ITSN1: variants seen among roughly 807,000 people sequenced by gnomAD.
ITSN1 encodes the protein intersectin-1.
A neutral mutation model predicts 239.8 loss-of-function variants in ITSN1; 58 were observed. The ratio of observed to expected loss-of-function variants is 0.24; its 90% confidence interval spans 0.20 to 0.30. ITSN1 has a LOEUF of 0.30. Ranked by LOEUF, ITSN1 falls within the 10% of genes least tolerant of loss-of-function variation. The pLI, the probability that ITSN1 is intolerant of heterozygous loss-of-function variation, is 1.00. For synonymous variants in ITSN1, 780 were observed against 770.8 expected, an observed-to-expected ratio of 1.01 and a Z score of -0.20; for missense variants, 1,558 against 2,103.3, an observed-to-expected ratio of 0.74 and a Z score of 5.07.
intron 29 of ITSN1, chr21:33,837,162 T>C (rs2074645774): frequency 7.3e-7 from 1 of 1,373,426 alleles, no homozygotes; most frequent in Admixed American, 2.7e-5. Context: ...TACCTCATTT[T>C]ACCTTAGTTG....
chr21:33,875,581 G>C, intron 34 of ITSN1, 60 bp downstream of exon 34: 6 of 1,526,714 alleles, frequency 3.9e-6, no homozygotes, highest in Non-Finnish European at 5.4e-6. Context: ...TGCCAGCCTG[G>C]AGGAGGACAA....
chr21:33,842,190 C>T lies in ITSN1; in HGVS notation c.3661+5558C>T, dbSNP rs929492937. Among the ~76,000 whole-genome samples, 11 of 151,846 alleles carry T rather than the reference C, an allele frequency of 7.2e-5. No homozygotes were observed. The East Asian group carries it at 9.7e-4, about 13-fold the overall frequency. ...GATTACAGGCGTGAGCCACCGCGCCCGGCCACTCTTGGGCACTTCTTTACG... is the reference window on the plus strand; with the variant it reads ...GATTACAGGCGTGAGCCACCGCGCCTGGCCACTCTTGGGCACTTCTTTACG... On this transcript the variant is annotated intron_variant, in intron 29 of 39. Transcript: ENST00000381318.
intron 1 of ITSN1, among the ~76,000 whole-genome samples, chr21:33,691,196 T>C (rs1451195529): frequency 6.6e-6 from 1 of 152,166 alleles, no homozygotes; most frequent in Non-Finnish European, 1.5e-5. Flanking sequence ...CCTGTGTCTT[T>C]CTTTGGACCT....
intron 4 of ITSN1, among the ~76,000 whole-genome samples, chr21:33,729,861 C>T (rs919203597): frequency 2.0e-5 from 3 of 152,148 alleles, no homozygotes; most frequent in African/African-American, 7.2e-5. Context: ...AGGGACTCAG[C>T]TTTCAGGGAC....
At chr21:33,770,460 C>T (rs563578578) in intron 11 of ITSN1, among the ~76,000 whole-genome samples, 9 of 152,282 alleles carry the variant, frequency 5.9e-5, no homozygotes, top group African/African-American at 2.2e-4. Flanking sequence ...GCGACACAAA[C>T]ATTCAGTTCC....
chr21:33,876,481 C>A (rs1983937697), intron 34 of ITSN1, among the ~76,000 whole-genome samples: 1 of 152,234 alleles, frequency 6.6e-6, no homozygotes, highest in South Asian at 2.1e-4. Flanking sequence ...CTTCCCACTT[C>A]AGCATCCCAA....
At position 33,794,511 on chromosome 21, in the gene ITSN1, G is replaced by T. The variant is rs115546104; in HGVS notation, c.1952+43G>T. 2.6e-3 allele frequency: 4,136 copies of T among 1,574,864 alleles called. 83 individuals are homozygous for T. The African/African-American group carries it at 0.05, about 19-fold the overall frequency. ...TGTGGACTCATCTGGAAGGAACTTT[G>T]AGGATTTACTATTCTTTGCTTGGCT... On this transcript the variant is annotated intron_variant, in intron 17 of 39. Coordinates refer to ENST00000381318, the MANE Select transcript of ITSN1 (RefSeq NM_003024.3).
chr21:33,713,777 T>C (rs1277438468), intron 1 of ITSN1, among the ~76,000 whole-genome samples: 2 of 150,622 alleles, frequency 1.3e-5, no homozygotes, highest in Non-Finnish European at 2.9e-5. Context: ...TGATTGGCAT[T>C]GGAAAGACCT....
At chr21:33,780,598 A>C (rs1156358099) in intron 14 of ITSN1, among the ~76,000 whole-genome samples, 1 of 152,250 alleles carries the variant, frequency 6.6e-6, no homozygotes, top group East Asian at 1.9e-4. Flanking sequence ...AAAGGTGGTT[A>C]TTCCAAAATG....
chr21:33,690,773 G>GTGTA (rs2091475137), intron 1 of ITSN1, among the ~76,000 whole-genome samples: 8 of 38,230 alleles, frequency 2.1e-4, no homozygotes, highest in African/African-American at 7.9e-4. Context: ...AAAAAAAAAA[G>GTGTA]TGTATATATA....
intron 5 of ITSN1, among the ~76,000 whole-genome samples, chr21:33,749,571 G>A (rs1409239639): frequency 6.6e-6 from 1 of 151,966 alleles, no homozygotes; most frequent in East Asian, 1.9e-4. Flanking sequence ...GAACTCGGGA[G>A]GTGGAGGTTG....
chr21:33,686,693 A>G (rs2091257884), intron 1 of ITSN1, among the ~76,000 whole-genome samples: 1 of 152,164 alleles, frequency 6.6e-6, no homozygotes, highest in South Asian at 2.1e-4. Context: ...TTTATATATC[A>G]CATTTCAAGA....
intron 34 of ITSN1, among the ~76,000 whole-genome samples, chr21:33,876,151 T>TTCTTTC (rs1555970439): frequency 0.033 from 1,369 of 41,930 alleles, 14 homozygotes; most frequent in East Asian, 0.067. Context: ...CTTTCTTTCT[T>TTCTTTC]TCTCTCTCTC....
intron 20 of ITSN1, among the ~76,000 whole-genome samples, chr21:33,806,586 G>A (rs796715659): frequency 6.6e-6 from 1 of 152,216 alleles, no homozygotes; most frequent in South Asian, 2.1e-4. Context: ...TTGCATCAGC[G>A]AGCTACAATA....
chr21:33,671,285 TTTTG>T (rs971298857), intron 1 of ITSN1, among the ~76,000 whole-genome samples: 164 of 152,152 alleles, frequency 1.1e-3, no homozygotes, highest in Non-Finnish European at 1.1e-3. Flanking sequence ...TTTTCTTGTT[TTTTG>T]TTTGTTTGTT....
chr21:33,895,584 T>C lies in ITSN1; in HGVS notation c.*7284T>C, dbSNP rs113048382. 2.1e-5 allele frequency: 3 copies of C among 145,176 alleles called. No individual in the cohort carries two copies. Among genetic ancestry groups the C allele is most frequent in the Admixed American group, 1.4e-4 (2 of 14,414 alleles). The allele number at this position is 145,176 out of a possible 1,614,324, so 9.0% of individuals were successfully genotyped here. A position where few individuals can be genotyped will look rare whatever the true frequency, so the allele number is the denominator to read the frequency against. On this transcript the variant is annotated 3_prime_UTR_variant, in exon 40 of 40. Coordinates refer to ENST00000381318, the MANE Select transcript of ITSN1 (RefSeq NM_003024.3). ...GTGCGTGTATGTGTGCGTGTGTGCA[T>C]GTTTGTGAGTGCATGTGTTTGTGCG... is the stretch of plus-strand genomic sequence containing the variant.
intron 20 of ITSN1, among the ~76,000 whole-genome samples, chr21:33,805,532 T>C (rs2072346935): frequency 6.6e-6 from 1 of 152,208 alleles, no homozygotes; most frequent in Non-Finnish European, 1.5e-5. Flanking sequence ...TCACTGCCTG[T>C]TTTATAATAA....
chr21:33,777,384 G>A (rs546591353), intron 14 of ITSN1, among the ~76,000 whole-genome samples: 199 of 152,218 alleles, frequency 1.3e-3, no homozygotes, highest in African/African-American at 4.6e-3. Context: ...CAAGTGATAC[G>A]AATTCTCTGT....
At chr21:33,858,847 T>G (rs1979882558) in intron 31 of ITSN1, 55 bp downstream of exon 31, 2 of 996,480 alleles carry the variant, frequency 2.0e-6, no homozygotes, top group Admixed American at 3.6e-5. Context: ...TCTCATGCAC[T>G]CGCACCTCTG....
Sources: gnomAD v4.1 joint callset for allele counts (sites outside exome capture counted in the v4.1 genomes callset) on GRCh38, gnomAD v4.1.1 for gene constraint, MANE v1.5 for transcripts, NCBI Gene and HGNC (gene_info 2026-07-23, HGNC 2026-07-21) for gene names.